The following GPC6 variants were observed in gnomAD, a reference collection of about 807,000 sequenced individuals.
GPC6 encodes glypican-6.
GPC6 carries 14 observed loss-of-function variants against 55.2 expected under a neutral mutation model. The ratio of observed to expected loss-of-function variants is 0.25; its 90% confidence interval spans 0.17 to 0.40. GPC6 has a LOEUF of 0.40. GPC6 is among the 10% of genes least tolerant of loss of function. The probability of loss-of-function intolerance (pLI) is 1.00; values close to 1 mark genes in which losing one functional copy is unlikely to be tolerated. For missense variants in GPC6, 641 were observed against 708.5 expected, an observed-to-expected ratio of 0.90 and a Z score of 1.08; for synonymous variants, 278 against 259.6, an observed-to-expected ratio of 1.07 and a Z score of -0.68.
intron 1 of GPC6, among the ~76,000 whole-genome samples, chr13:93,482,683 A>G (rs1254220523): frequency 6.6e-6 from 1 of 152,164 alleles, no homozygotes; most frequent in African/African-American, 2.4e-5. Context: ...AAAGAAACAA[A>G]AGCACCAGGT....
intron 1 of GPC6, among the ~76,000 whole-genome samples, chr13:93,232,217 T>A (rs925583199): frequency 1.3e-5 from 2 of 152,184 alleles, no homozygotes; most frequent in African/African-American, 4.8e-5. Context: ...ATAAATTGTT[T>A]AATTTCTGTT....
At chr13:94,240,673 A>G (rs1891031059) in intron 4 of GPC6, among the ~76,000 whole-genome samples, 1 of 152,128 alleles carries the variant, frequency 6.6e-6, no homozygotes, top group Admixed American at 6.6e-5. Context: ...TCATACAGGT[A>G]GTATTTCAGA....
At chr13:93,888,698 A>G (rs999794982) in intron 3 of GPC6, among the ~76,000 whole-genome samples, 4 of 152,182 alleles carry the variant, frequency 2.6e-5, no homozygotes, top group African/African-American at 9.7e-5. Flanking sequence ...TGAAAACTAC[A>G]CAACATTTAA....
At chr13:93,827,438 G>A (rs1304207537) in intron 2 of GPC6, among the ~76,000 whole-genome samples, 1 of 152,152 alleles carries the variant, frequency 6.6e-6, no homozygotes, top group African/African-American at 2.4e-5. Context: ...ATTTTGGGAG[G>A]ACATTAGCTT....
intron 2 of GPC6, among the ~76,000 whole-genome samples, chr13:93,677,439 A>G (rs1881678022): frequency 6.6e-6 from 1 of 152,112 alleles, no homozygotes. Context: ...TAATGATTAA[A>G]GGAAGTTATA....
At chr13:94,271,380 G>GCACACACA (rs1195447524) in intron 4 of GPC6, among the ~76,000 whole-genome samples, 7 of 112,504 alleles carry the variant, frequency 6.2e-5, no homozygotes, top group African/African-American at 1.4e-4. Context: ...GCGCGCGCGC[G>GCACACACA]CGCACACACA....
At chr13:94,167,072 A>T (rs1024251257) in intron 4 of GPC6, among the ~76,000 whole-genome samples, 1 of 152,092 alleles carries the variant, frequency 6.6e-6, no homozygotes, top group African/African-American at 2.4e-5. Context: ...GTAAAATTAG[A>T]CTCTAGATGT....
At chr13:93,362,627 T>G (rs764654718) in intron 1 of GPC6, among the ~76,000 whole-genome samples, 1 of 152,080 alleles carries the variant, frequency 6.6e-6, no homozygotes, top group Non-Finnish European at 1.5e-5. Flanking sequence ...TGGAGTTAGA[T>G]TGACTGAACT....
intron 6 of GPC6, among the ~76,000 whole-genome samples, chr13:94,337,173 C>G (rs1325001031): frequency 6.6e-6 from 1 of 152,184 alleles, no homozygotes; most frequent in Non-Finnish European, 1.5e-5. Context: ...ATACAGAACT[C>G]TTTGGAGAGA....
chr13:94,181,752 A>G (rs546536200), intron 4 of GPC6, among the ~76,000 whole-genome samples: 2 of 152,332 alleles, frequency 1.3e-5, no homozygotes, highest in East Asian at 1.9e-4. Context: ...GGTGCCTCAT[A>G]TTAGTGAGAC....
intron 1 of GPC6, among the ~76,000 whole-genome samples, chr13:93,376,183 C>A (rs1026112800): frequency 1.3e-5 from 2 of 151,616 alleles, no homozygotes; most frequent in African/African-American, 4.8e-5. Flanking sequence ...TCAGAGGAGA[C>A]CCCTTCATGG....
At chr13:93,521,691 T>G (rs2139400347) in intron 1 of GPC6, among the ~76,000 whole-genome samples, 2 of 152,084 alleles carry the variant, frequency 1.3e-5, no homozygotes, top group Middle Eastern at 6.8e-3. Context: ...TGTAACATAC[T>G]TATATGAGGT....
chr13:93,806,789 C>A (rs1886554448), intron 2 of GPC6, among the ~76,000 whole-genome samples: 1 of 152,136 alleles, frequency 6.6e-6, no homozygotes, highest in Non-Finnish European at 1.5e-5. Flanking sequence ...ACTTTGTATG[C>A]AGATATGTGA....
intron 5 of GPC6, among the ~76,000 whole-genome samples, chr13:94,298,561 G>A (rs1313193949): frequency 2.0e-5 from 3 of 152,136 alleles, no homozygotes; most frequent in Non-Finnish European, 4.4e-5. Context: ...CAGCACCCAC[G>A]GCTCTGATAG....
At chr13:93,356,560 G>A (rs891521371) in intron 1 of GPC6, among the ~76,000 whole-genome samples, 11 of 152,292 alleles carry the variant, frequency 7.2e-5, no homozygotes, top group East Asian at 5.8e-4. Context: ...AGCTGAAAAA[G>A]CATTCGCAAG....
chr13:94,272,818 C>T (rs1209115244), intron 4 of GPC6, among the ~76,000 whole-genome samples: 4 of 151,858 alleles, frequency 2.6e-5, no homozygotes, highest in Non-Finnish European at 5.9e-5. Context: ...AAGGAGGCAG[C>T]GTGATGGAGT....
chr13:93,728,768 T>G (rs1444753481), intron 2 of GPC6, among the ~76,000 whole-genome samples: 1 of 152,030 alleles, frequency 6.6e-6, no homozygotes, highest in Non-Finnish European at 1.5e-5. Flanking sequence ...CATTTCACCA[T>G]TTTGGCCAGG....
chr13:94,235,472 T>C (rs1890852112), intron 4 of GPC6, among the ~76,000 whole-genome samples: 1 of 152,176 alleles, frequency 6.6e-6, no homozygotes, highest in African/African-American at 2.4e-5. Flanking sequence ...TCTGCAGTGT[T>C]CCTAGGGAAC....
chr13:94,389,319 C>T (rs554526888), intron 7 of GPC6, among the ~76,000 whole-genome samples: 18 of 152,232 alleles, frequency 1.2e-4, no homozygotes, highest in African/African-American at 3.6e-4. Flanking sequence ...CTGAGAAGGG[C>T]GTTCTGGGCA....
Sources: gnomAD v4.1 joint callset for allele counts (sites outside exome capture counted in the v4.1 genomes callset) on GRCh38, gnomAD v4.1.1 for gene constraint, MANE v1.5 for transcripts, NCBI Gene and HGNC (gene_info 2026-07-23, HGNC 2026-07-21) for gene names.